Variants in ABCA12 observed in about 807,000 individuals in gnomAD.
ABCA12 encodes the protein glucosylceramide transporter ABCA12.
Under a neutral mutation model 293.5 loss-of-function variants are expected in ABCA12, and 156 were observed. The ratio of observed to expected loss-of-function variants is 0.53; its 90% confidence interval spans 0.47 to 0.61. The LOEUF is 0.61. Among genes scored for constraint, ABCA12 ranks in the 20% least tolerant of loss-of-function variants. ABCA12 has a pLI of 0.00. For missense variants in ABCA12, 2,797 were observed against 3,090.2 expected (o/e 0.91, Z 2.25); for synonymous variants, 1,063 against 1,108.0 (o/e 0.96, Z 0.81).
rs113112835 is a variant in ABCA12 at position 215,019,708 on chromosome 2, C to T, written c.1376G>A (p.Ser459Asn). ...IEKSCQLSDM[S>N]FGSLCEESEF... ...ACTTTCTTCACACAGGCTCCCAAAG[C>T]TCATATCAGAGAGCTGGCATGACTT... is the stretch of plus-strand genomic sequence containing the variant. The change falls in exon 12 of 53, where the codon AGC becomes AAC. Residue 459 changes from serine to asparagine, a missense_variant. Coordinates refer to ENST00000272895, the MANE Select transcript of ABCA12 (RefSeq NM_173076.3). 2 of 1,614,164 alleles carry T rather than the reference C, an allele frequency of 1.2e-6. No homozygotes were observed. Among genetic ancestry groups the T allele is most frequent in the Non-Finnish European group, 1.7e-6 (2 of 1,180,034 alleles).
At chr2:214,963,164 C>A (rs1699160300) in intron 39 of ABCA12, 1 of 151,780 alleles carries the variant, frequency 6.6e-6, no homozygotes. Context: ...AAATAGACAA[C>A]TAGCTAGACT....
intron 24 of ABCA12, 80 bp from the exon 25 acceptor site, chr2:214,989,701 C>T (rs1359584914): frequency 6.7e-7 from 1 of 1,482,430 alleles, no homozygotes; most frequent in Non-Finnish European, 9.2e-7. Flanking sequence ...ATACTTAAAA[C>T]TTTGGACATT....
chr2:215,105,516 A>AT (rs1406189955), intron 2 of ABCA12, among the ~76,000 whole-genome samples: 1 of 151,948 alleles, frequency 6.6e-6, no homozygotes, highest in East Asian at 1.9e-4. Context: ...ATGGGCCCAA[A>AT]TAGTATTCTA....
chr2:215,052,441 G>A (rs955210067), intron 5 of ABCA12, 46 bp downstream of exon 5: 3 of 1,463,374 alleles, frequency 2.1e-6, no homozygotes, highest in Non-Finnish European at 1.9e-6. Flanking sequence ...AACCTAAAAG[G>A]CCTATGTTGA....
chr2:215,073,967 T>C (rs1018164800), intron 2 of ABCA12, among the ~76,000 whole-genome samples: 1 of 152,206 alleles, frequency 6.6e-6, no homozygotes, highest in Non-Finnish European at 1.5e-5. Context: ...TATTTGCATA[T>C]TAAAGACTCT....
chr2:215,101,471 T>C lies in ABCA12; in HGVS notation c.163+10126A>G, dbSNP rs568607456. Reference sequence around the variant, plus strand: ...ATTTGTCTATTTCAGCAAACATACTTAGATCATTTTGATTGAGGTAGAGTA... The same window carrying C: ...ATTTGTCTATTTCAGCAAACATACTCAGATCATTTTGATTGAGGTAGAGTA... On this transcript the variant is annotated intron_variant, in intron 2 of 52. Coordinates refer to ENST00000272895, the MANE Select transcript of ABCA12 (RefSeq NM_173076.3). Among the ~76,000 whole-genome samples, 154 of 152,268 alleles carry C rather than the reference T, an allele frequency of 1.0e-3. 2 individuals are homozygous for C. In the South Asian group the frequency reaches 0.014, roughly 14 times the overall value.
intron 11 of ABCA12, among the ~76,000 whole-genome samples, chr2:215,024,364 G>C (rs1009983989): frequency 6.6e-6 from 1 of 152,100 alleles, no homozygotes; most frequent in Non-Finnish European, 1.5e-5. Context: ...TATTATGGGA[G>C]TACATATAAT....
At chr2:214,940,454 G>T (rs1217503776) in intron 50 of ABCA12, among the ~76,000 whole-genome samples, 1 of 152,080 alleles carries the variant, frequency 6.6e-6, no homozygotes, top group Non-Finnish European at 1.5e-5. Context: ...GCCAGGGTTT[G>T]GTATCAGGAT....
Position 215,063,966 on chromosome 2 carries a change from A to G in ABCA12, c.317+100T>C. ...CATCACATTTATAGACAGAGAAAAC[A>G]AAATTGCATATCTAAGCTTGCATGG... On this transcript the variant is annotated intron_variant, in intron 3 of 52. Transcript: ENST00000272895. 4 of 1,503,034 alleles carry G rather than the reference A, an allele frequency of 2.7e-6. No individual in the cohort carries two copies. In the South Asian group the frequency reaches 4.5e-5, roughly 17 times the overall value. 93.1% of individuals were successfully genotyped at this position (1,503,034 alleles called of 1,614,324 possible).
chr2:214,999,759 C>CT, intron 22 of ABCA12: 3 of 981,082 alleles, frequency 3.1e-6, no homozygotes, highest in Non-Finnish European at 3.6e-6. Flanking sequence ...GCCAGCTAAC[C>CT]TTGACAGTCC....
intron 11 of ABCA12, chr2:215,022,338 G>A (rs973505455): frequency 6.6e-6 from 1 of 152,154 alleles, no homozygotes; most frequent in Non-Finnish European, 1.5e-5. Flanking sequence ...TGGCTAATAG[G>A]CTTGGTTCTC....
intron 14 of ABCA12, among the ~76,000 whole-genome samples, chr2:215,017,067 A>G (rs758555124): frequency 6.6e-6 from 1 of 152,236 alleles, no homozygotes; most frequent in Non-Finnish European, 1.5e-5. Context: ...ATTATTTACT[A>G]GTACAGTAAA....
At chr2:214,944,340 A>G (rs1698506909) in intron 49 of ABCA12, among the ~76,000 whole-genome samples, 1 of 151,930 alleles carries the variant, frequency 6.6e-6, no homozygotes, top group African/African-American at 2.4e-5. Context: ...TGAACCCGGG[A>G]GGTGGAGGTT....
In ABCA12 at chr2:215,034,170, T is replaced by C. The variant is rs1700942239; in HGVS notation, c.986-2274A>G. Reference sequence around the variant, plus strand: ...TAATCTCTGCTCCCAAAACTCAGTATTTATAAATGGACCTACTATGGAGTG... The same window carrying C: ...TAATCTCTGCTCCCAAAACTCAGTACTTATAAATGGACCTACTATGGAGTG... On this transcript the variant is annotated intron_variant, in intron 8 of 52. Coordinates refer to ENST00000272895, the MANE Select transcript of ABCA12 (RefSeq NM_173076.3). Among the ~76,000 whole-genome samples, 3 of 152,128 alleles carry C rather than the reference T, an allele frequency of 2.0e-5. No individual in the cohort carries two copies. In the South Asian group the frequency reaches 6.2e-4, roughly 32 times the overall value.
chr2:215,018,031 G>A lies in ABCA12; in HGVS notation c.1759C>T (p.Pro587Ser). The change falls in exon 14 of 53, where the codon CCC becomes TCC. Residue 587 changes from proline (P) to serine (S), a missense_variant. Pro to Ser is a moderately conservative substitution (Grantham distance 74, BLOSUM62 -1). Around this residue, in one of 3 missense-constraint regions of ABCA12, gnomAD observed 2,130 missense variants for 2,427.0 expected, o/e 0.88. Coordinates refer to ENST00000272895, the MANE Select transcript of ABCA12 (RefSeq NM_173076.3). Reference sequence around the variant, plus strand: ...ACCTCAGCTCTATTATCAGGGATGGGAATGGCCAGCAACTTGTCAATAGTC... The same window carrying A: ...ACCTCAGCTCTATTATCAGGGATGGAAATGGCCAGCAACTTGTCAATAGTC... Reference protein sequence around the residue: ...NRTIDKLLAIPIPDNRAEIIS... With the variant: ...NRTIDKLLAISIPDNRAEIIS... The A allele has an allele frequency of 6.2e-7, 1 of 1,614,116 alleles. No homozygotes were observed. Among genetic ancestry groups the A allele is most frequent in the Non-Finnish European group, 8.5e-7 (1 of 1,180,018 alleles).
At chr2:215,061,210 C>T (rs530746088) in intron 3 of ABCA12, among the ~76,000 whole-genome samples, 33 of 152,064 alleles carry the variant, frequency 2.2e-4, no homozygotes, top group African/African-American at 7.2e-4. Context: ...TAGTTAGAGT[C>T]GATGCTGAGT....
chr2:214,975,586 CA>C (rs1356228441), intron 34 of ABCA12, among the ~76,000 whole-genome samples, 198 bp downstream of exon 34: 1 of 152,064 alleles, frequency 6.6e-6, no homozygotes, highest in African/African-American at 2.4e-5. Flanking sequence ...TAGATGAATG[CA>C]AAAACTCTGA....
chr2:215,039,562 T>C (rs1165078919), intron 7 of ABCA12, among the ~76,000 whole-genome samples: 2 of 152,180 alleles, frequency 1.3e-5, no homozygotes, highest in Non-Finnish European at 2.9e-5. Context: ...GAGACCATCC[T>C]GGCTAACACA....
intron 44 of ABCA12, among the ~76,000 whole-genome samples, chr2:214,952,080 A>T (rs1045891257): frequency 6.6e-6 from 1 of 152,148 alleles, no homozygotes; most frequent in African/African-American, 2.4e-5. Flanking sequence ...AATTTAAAGA[A>T]ATCAATCCAG....
Sources: allele counts gnomAD v4.1 joint callset (sites outside exome capture counted in the v4.1 genomes callset), GRCh38; gene constraint gnomAD v4.1.1; regional missense constraint gnomAD v4.1.1; transcripts MANE v1.5; gene names NCBI Gene and HGNC (gene_info 2026-07-23, HGNC 2026-07-21).